SLC24A3: variants seen among roughly 807,000 people sequenced by gnomAD.
SLC24A3 encodes the protein solute carrier family 24 member 3, also known as sodium/potassium/calcium exchanger 3.
SLC24A3 carries 28 observed loss-of-function variants against 75.8 expected under a neutral mutation model. The ratio of observed to expected loss-of-function variants is 0.37; its 90% CI spans 0.27 to 0.51. The LOEUF (loss-of-function observed/expected upper bound fraction) is 0.51, where lower values mean the gene tolerates loss of function less well. Among genes scored for constraint, SLC24A3 ranks in the 20% least tolerant of loss-of-function variants. SLC24A3 has a pLI of 0.94. For synonymous variants in SLC24A3, 372 were observed against 334.1 expected, an observed-to-expected ratio of 1.11 and a Z score of -1.24; for missense variants, 663 against 847.8, an observed-to-expected ratio of 0.78 and a Z score of 2.71.
At chr20:19,697,144 A>T (rs2032819124) in intron 14 of SLC24A3, among the ~76,000 whole-genome samples, 1 of 152,050 alleles carries the variant, frequency 6.6e-6, no homozygotes, top group South Asian at 2.1e-4. Flanking sequence ...AGGGTTTGGA[A>T]GGAGGGAGGG....
chr20:19,227,240 G>A (rs1289743316), intron 1 of SLC24A3, among the ~76,000 whole-genome samples: 1 of 152,172 alleles, frequency 6.6e-6, no homozygotes, highest in Non-Finnish European at 1.5e-5. Flanking sequence ...TTACACGTTT[G>A]TTGAACTTTT....
At chr20:19,704,455 G>A (rs1568704812) in intron 15 of SLC24A3, among the ~76,000 whole-genome samples, 2 of 152,194 alleles carry the variant, frequency 1.3e-5, no homozygotes, top group African/African-American at 4.8e-5. Flanking sequence ...ACTTGTCAAG[G>A]CAATAGGGAT....
At chr20:19,479,875 C>A (rs563438709) in intron 2 of SLC24A3, among the ~76,000 whole-genome samples, 1 of 152,346 alleles carries the variant, frequency 6.6e-6, no homozygotes, top group Non-Finnish European at 1.5e-5. Context: ...ACAGCCCCAG[C>A]TACACTCAGG....
At chr20:19,680,159 T>G (rs1409941249) in intron 9 of SLC24A3, among the ~76,000 whole-genome samples, 1 of 150,338 alleles carries the variant, frequency 6.7e-6, no homozygotes, top group Non-Finnish European at 1.5e-5. Context: ...TGTCTGTGTG[T>G]GTCTGTGTGT....
chr20:19,602,768 GC>G (rs1282146283), intron 6 of SLC24A3, among the ~76,000 whole-genome samples: 1 of 152,142 alleles, frequency 6.6e-6, no homozygotes, highest in Non-Finnish European at 1.5e-5. Context: ...TCCAGAGGAG[GC>G]CTGTCCAAAC....
chr20:19,239,629 G>A (rs1403613724), intron 1 of SLC24A3, among the ~76,000 whole-genome samples: 2 of 152,178 alleles, frequency 1.3e-5, no homozygotes, highest in East Asian at 1.9e-4. Flanking sequence ...GCTTGGACAC[G>A]CATCAATTGC....
intron 1 of SLC24A3, among the ~76,000 whole-genome samples, chr20:19,224,077 G>A (rs543782447): frequency 2.6e-5 from 4 of 152,258 alleles, no homozygotes; most frequent in African/African-American, 7.2e-5. Context: ...AAGTGAAACT[G>A]AGGATAAATG....
At chr20:19,364,998 C>A (rs1444071638) in intron 2 of SLC24A3, among the ~76,000 whole-genome samples, 2 of 152,126 alleles carry the variant, frequency 1.3e-5, no homozygotes, top group Non-Finnish European at 2.9e-5. Flanking sequence ...CCATGTGGAC[C>A]ACAGAGAGGG....
At chr20:19,376,300 A>T (rs1045541093) in intron 2 of SLC24A3, among the ~76,000 whole-genome samples, 17 of 152,370 alleles carry the variant, frequency 1.1e-4, no homozygotes, top group African/African-American at 4.1e-4. Flanking sequence ...ACATTCAATA[A>T]GAACCCAAAG....
rs79779786 is a variant in SLC24A3, at chr20:19,446,535, G to A, written c.272-68953G>A. 3.3e-3 allele frequency among the ~76,000 whole-genome samples: 500 copies of A among 152,316 alleles called. 2 individuals are homozygous for A. The highest frequency in any genetic ancestry group is 0.011 in the African/African-American group (476 of 41,574). On this transcript the variant is annotated intron_variant, in intron 2 of 16. Transcript: ENST00000328041. Reference sequence around the variant, plus strand: ...CGGGGAAATTGTTCTGTAAAGGATGGCGTTACTCTTATTCTCTGTATTCAG... The same window carrying A: ...CGGGGAAATTGTTCTGTAAAGGATGACGTTACTCTTATTCTCTGTATTCAG...
intron 15 of SLC24A3, among the ~76,000 whole-genome samples, chr20:19,701,972 T>G (rs562113616): frequency 1.3e-5 from 2 of 152,192 alleles, no homozygotes; most frequent in Non-Finnish European, 2.9e-5. Flanking sequence ...ATGATGTTAT[T>G]TCTTATTTTA....
intron 3 of SLC24A3, among the ~76,000 whole-genome samples, chr20:19,535,057 C>T (rs1420091886): frequency 6.6e-6 from 1 of 152,146 alleles, no homozygotes; most frequent in East Asian, 1.9e-4. Flanking sequence ...GACCACAGAA[C>T]TCTTTTTAAC....
At chr20:19,336,837 C>T (rs1275251692) in intron 2 of SLC24A3, among the ~76,000 whole-genome samples, 1 of 152,048 alleles carries the variant, frequency 6.6e-6, no homozygotes, top group Non-Finnish European at 1.5e-5. Flanking sequence ...ACCGGTAGGC[C>T]TTACTACTTA....
At chr20:19,587,940 C>T (rs2031321985) in intron 6 of SLC24A3, among the ~76,000 whole-genome samples, 1 of 152,152 alleles carries the variant, frequency 6.6e-6, no homozygotes, top group African/African-American at 2.4e-5. Flanking sequence ...ACCTAGGTCA[C>T]TGTGATAATT....
intron 3 of SLC24A3, among the ~76,000 whole-genome samples, chr20:19,527,466 T>TG (rs1037534756): frequency 2.0e-5 from 3 of 152,186 alleles, no homozygotes; most frequent in African/African-American, 7.2e-5. Context: ...CATAAGGCTC[T>TG]GGGGGTTTCA....
intron 2 of SLC24A3, among the ~76,000 whole-genome samples, chr20:19,356,749 C>T (rs1286881572): frequency 1.3e-5 from 2 of 152,074 alleles, no homozygotes; most frequent in South Asian, 2.1e-4. Context: ...CCAAACTGTT[C>T]TCCAGCATGT....
At chr20:19,265,030 T>C (rs903528390) in intron 1 of SLC24A3, among the ~76,000 whole-genome samples, 28 of 152,366 alleles carry the variant, frequency 1.8e-4, no homozygotes, top group Admixed American at 5.9e-4. Flanking sequence ...ACCCAAGTCC[T>C]TGTCTCAGAC....
At chr20:19,294,436 C>G (rs1600415807) in intron 2 of SLC24A3, among the ~76,000 whole-genome samples, 1 of 152,150 alleles carries the variant, frequency 6.6e-6, no homozygotes, top group Non-Finnish European at 1.5e-5. Flanking sequence ...CTCTTTCTCC[C>G]CCTTCTCCCC....
chr20:19,366,973 G>A (rs1316267285), intron 2 of SLC24A3, among the ~76,000 whole-genome samples: 1 of 152,108 alleles, frequency 6.6e-6, no homozygotes, highest in African/African-American at 2.4e-5. Flanking sequence ...TGAAACAGAT[G>A]CACCAATTGG....
Sources: gnomAD v4.1 joint callset for allele counts (sites outside exome capture counted in the v4.1 genomes callset) on GRCh38, gnomAD v4.1.1 for gene constraint, MANE v1.5 for transcripts, NCBI Gene and HGNC (gene_info 2026-07-23, HGNC 2026-07-21) for gene names.